MSH6: variants seen among roughly 807,000 people sequenced by gnomAD.
The protein encoded by MSH6 is DNA mismatch repair protein Msh6.
A neutral mutation model predicts 119.1 loss-of-function variants in MSH6; 85 were observed. The observed-to-expected ratio is 0.71, with a 90% CI of 0.60 to 0.85. The LOEUF is 0.85. Among genes scored for constraint, MSH6 ranks in the 40% least tolerant of loss-of-function variants. MSH6 has a pLI of 0.00. For synonymous variants in MSH6, 830 were observed against 586.9 expected, an observed-to-expected ratio of 1.41 and a Z score of -5.99; for missense variants, 2,163 against 1,655.3, an observed-to-expected ratio of 1.31 and a Z score of -5.32.
rs3136244 is a variant in MSH6 at position 47,785,518 on chromosome 2, G to A, written c.260+2025G>A. On this transcript the variant is annotated intron_variant, in intron 1 of 9. Coordinates refer to ENST00000234420, the MANE Select transcript of MSH6 (RefSeq NM_000179.3). ...CAGGTGTGAGCCACCGTGCCCGGCC[G>A]CTAGTTAGTGGTTTTGAGTAATGGA... Among the ~76,000 whole-genome samples the A allele has an allele frequency of 3.5e-3, 536 of 151,742 alleles. 5 individuals are homozygous for A. The highest frequency in any genetic ancestry group is 0.011 in the African/African-American group (473 of 41,490).
At chr2:47,793,374 A>T (rs1668871730) in intron 2 of MSH6, among the ~76,000 whole-genome samples, 2 of 148,430 alleles carry the variant, frequency 1.3e-5, no homozygotes, top group South Asian at 4.2e-4. Flanking sequence ...TCGCGCCTGT[A>T]ATCCCAACAC....
chr2:47,793,556 G>A (rs962792549), intron 2 of MSH6, among the ~76,000 whole-genome samples: 1 of 150,982 alleles, frequency 6.6e-6, no homozygotes, highest in Non-Finnish European at 1.5e-5. Flanking sequence ...GCAGTGAGCC[G>A]AGATCGCGCC....
chr2:47,793,627 A>ATAAATAAG (rs1668890325), intron 2 of MSH6, among the ~76,000 whole-genome samples: 1 of 151,434 alleles, frequency 6.6e-6, no homozygotes, highest in South Asian at 2.1e-4. Flanking sequence ...AAATAAATAA[A>ATAAATAAG]TAAATAAAAT....
At chr2:47,796,762 A>T (rs1572717306) in intron 3 of MSH6, among the ~76,000 whole-genome samples, 1 of 152,152 alleles carries the variant, frequency 6.6e-6, no homozygotes, top group African/African-American at 2.4e-5. Flanking sequence ...GGAGTTCAAG[A>T]CCAGCCTGGC....
intron 1 of MSH6, chr2:47,783,801 G>C (rs367758161): frequency 3.2e-6 from 2 of 632,952 alleles, no homozygotes; most frequent in African/African-American, 1.9e-5. Flanking sequence ...GGCTAAGGAA[G>C]GGGCGACGCG....
chr2:47,801,269 A>G (rs374177083), intron 4 of MSH6, 114 bp downstream of exon 4: 10 of 1,149,678 alleles, frequency 8.7e-6, no homozygotes, highest in South Asian at 5.3e-5. Context: ...TTTGACATGC[A>G]TATACATATT....
At chr2:47,798,561 G>T (rs2104285570) in intron 3 of MSH6, 50 bp from the exon 4 acceptor site, 1 of 1,592,248 alleles carries the variant, frequency 6.3e-7, no homozygotes, top group Admixed American at 1.7e-5. Context: ...CTTACATTAT[G>T]GTTTTCCAAA....
downstream of MSH6, chr2:47,807,142 T>C (rs749567368): frequency 2.5e-5 from 10 of 406,584 alleles, 1 homozygote; most frequent in South Asian, 1.0e-4. Flanking sequence ...TGAAACTGTA[T>C]AGGGCTGTAT....
At chr2:47,795,137 G>A (rs760814785) in intron 2 of MSH6, among the ~76,000 whole-genome samples, 2 of 152,124 alleles carry the variant, frequency 1.3e-5, no homozygotes, top group South Asian at 4.1e-4. Context: ...TAAATCGTCT[G>A]CCTCACTTGA....
In MSH6 at chr2:47,800,725, A is replaced by G. The variant is rs760602367; in HGVS notation, c.2742A>G (p.Thr914=). Residue 914 remains threonine, a synonymous_variant, in exon 4 of 10, where the codon ACA becomes ACG. Coordinates refer to ENST00000234420, the MANE Select transcript of MSH6 (RefSeq NM_000179.3). The part of the protein sequence containing the change: ...DLTVELNRWD[T]AFDHEKARKT... ...CTGTAGAATTGAACCGATGGGATAC[A>G]GCCTTTGACCATGAAAAGGCTCGAA... 6.2e-7 allele frequency: 1 copy of G among 1,614,202 alleles called. No individual in the cohort carries two copies. Among genetic ancestry groups the G allele is most frequent in the South Asian group, 1.1e-5 (1 of 91,082 alleles).
intron 7 of MSH6, among the ~76,000 whole-genome samples, 183 bp downstream of exon 7, chr2:47,805,890 A>T (rs748708513): frequency 1.2e-4 from 18 of 152,232 alleles, no homozygotes; most frequent in Non-Finnish European, 1.9e-4. Flanking sequence ...AAGGTTTTTG[A>T]TTACCCATTA....
chr2:47,802,661 TAATG>T (rs1400065619), intron 4 of MSH6, among the ~76,000 whole-genome samples: 1 of 143,280 alleles, frequency 7.0e-6, no homozygotes, highest in East Asian at 2.1e-4. Flanking sequence ...TTTTTTTAAA[TAATG>T]GTAGTTTACT....
chr2:47,808,873 GT>G, downstream of MSH6: 1 of 298,888 alleles, frequency 3.3e-6, no homozygotes. Context: ...TCTTTGTTTT[GT>G]TTTGTAGAGA....
rs2104316615 is a variant in MSH6, at chr2:47,799,039, T to C, written c.1056T>C (p.Val352=). 6.2e-7 allele frequency: 1 copy of C among 1,614,168 alleles called. No homozygotes were observed. Among genetic ancestry groups the C allele is most frequent in the Non-Finnish European group, 8.5e-7 (1 of 1,180,016 alleles). The part of the protein sequence containing the change: ...APQNSESQAH[V]SGGGDDSSRP... ...AAAATTCTGAATCCCAAGCCCACGT[T>C]AGTGGAGGTGGTGATGACAGTAGTC... is the stretch of plus-strand genomic sequence containing the variant. The change falls in exon 4 of 10, where the codon GTT becomes GTC. Residue 352 remains valine, a synonymous_variant. Coordinates refer to ENST00000234420, the MANE Select transcript of MSH6 (RefSeq NM_000179.3).
At chr2:47,785,380 C>T (rs1275199324) in intron 1 of MSH6, among the ~76,000 whole-genome samples, 1 of 151,256 alleles carries the variant, frequency 6.6e-6, no homozygotes, top group Non-Finnish European at 1.5e-5. Flanking sequence ...GGTGTGCCCA[C>T]CGCGGTCCGG....
chr2:47,785,222 G>T (rs994249270), intron 1 of MSH6, among the ~76,000 whole-genome samples: 1 of 151,900 alleles, frequency 6.6e-6, no homozygotes, highest in Admixed American at 6.6e-5. Context: ...GAGCCAGTTC[G>T]TGTTTTTTGT....
At chr2:47,788,330 C>G (rs746209528) in intron 1 of MSH6, among the ~76,000 whole-genome samples, 15 of 132,892 alleles carry the variant, frequency 1.1e-4, no homozygotes, top group Non-Finnish European at 1.2e-4. Context: ...TCTCGGCTTA[C>G]TGCAACCTCT....
At chr2:47,809,401 TAAG>T (rs1670457278), downstream of MSH6, 1 of 690,468 alleles carries the variant, frequency 1.4e-6, no homozygotes, top group Non-Finnish European at 2.4e-6. Context: ...GAAGTAATTG[TAAG>T]AAATCAGCTA....
At position 47,790,333 on chromosome 2, in the gene MSH6, A is replaced by G. The variant is rs139467158; in HGVS notation, c.261-594A>G. Reference sequence around the variant, plus strand: ...TGGCTATTCAGGAGGCTGAGACACAAGAATCGCTTGAACCGGGGAGGCACG... The same window carrying G: ...TGGCTATTCAGGAGGCTGAGACACAGGAATCGCTTGAACCGGGGAGGCACG... On this transcript the variant is annotated intron_variant, in intron 1 of 9. Transcript: ENST00000234420. Among the ~76,000 whole-genome samples, 172 of 152,350 alleles carry G rather than the reference A, an allele frequency of 1.1e-3. 1 individual carries two copies. The highest frequency in any genetic ancestry group is 2.2e-3 in the Admixed American group (34 of 15,294).
Sources: allele counts gnomAD v4.1 joint callset (sites outside exome capture counted in the v4.1 genomes callset), GRCh38; gene constraint gnomAD v4.1.1; transcripts MANE v1.5; gene names NCBI Gene and HGNC (gene_info 2026-07-23, HGNC 2026-07-21).